XPO1: variants seen among roughly 807,000 people sequenced by gnomAD.
The protein encoded by XPO1 is exportin-1.
Under a neutral mutation model 133.3 loss-of-function variants are expected in XPO1, and 5 were observed. That is an observed-to-expected ratio of 0.04 (90% confidence interval 0.02 to 0.08). XPO1 has a LOEUF of 0.08. Ranked by LOEUF, XPO1 falls within the 10% of genes least tolerant of loss-of-function variation. The probability of loss-of-function intolerance (pLI) is 1.00; values close to 1 mark genes in which losing one functional copy is unlikely to be tolerated. For synonymous variants in XPO1, 419 were observed against 408.2 expected (o/e 1.03, Z -0.32); for missense variants, 506 against 1,267.5 (o/e 0.40, Z 9.12).
chr2:61,493,248 T>G (rs891080420), intron 12 of XPO1, 195 bp from the exon 13 acceptor site: 13 of 462,052 alleles, frequency 2.8e-5, no homozygotes, highest in African/African-American at 2.6e-4. Flanking sequence ...TGAGAGCAGC[T>G]TGAGCAACAC....
At chr2:61,502,432 A>C in intron 4 of XPO1, 122 bp from the exon 5 acceptor site, 1 of 938,856 alleles carries the variant, frequency 1.1e-6, no homozygotes, top group Non-Finnish European at 1.6e-6. Flanking sequence ...ATATACTCTA[A>C]TCCTGTCACC....
chr2:61,520,845 G>A (rs771519662), intron 4 of XPO1, among the ~76,000 whole-genome samples: 2 of 152,076 alleles, frequency 1.3e-5, no homozygotes, highest in African/African-American at 2.4e-5. Context: ...AGTAAAATGG[G>A]ACAGAAGTAA....
intron 4 of XPO1, among the ~76,000 whole-genome samples, chr2:61,513,498 TA>T (rs1186024066): frequency 6.6e-6 from 1 of 151,872 alleles, no homozygotes; most frequent in African/African-American, 2.4e-5. Flanking sequence ...CTAATTTTTG[TA>T]TCTTTAGTAG....
chr2:61,513,856 T>C (rs1452139288), intron 4 of XPO1, among the ~76,000 whole-genome samples: 1 of 152,052 alleles, frequency 6.6e-6, no homozygotes, highest in Non-Finnish European at 1.5e-5. Context: ...AAAGAGCCCT[T>C]AGATCTCAAT....
intron 2 of XPO1, among the ~76,000 whole-genome samples, chr2:61,529,720 T>A (rs1699071621): frequency 6.6e-6 from 1 of 152,116 alleles, no homozygotes; most frequent in Non-Finnish European, 1.5e-5. Flanking sequence ...TGATGCTTTA[T>A]TTTAATCATG....
Position 61,505,864 on chromosome 2 carries a change from C to G in XPO1, c.302-3554G>C, listed in dbSNP as rs546014317. 2.0e-5 allele frequency among the ~76,000 whole-genome samples: 3 copies of G among 152,246 alleles called. No individual in the cohort carries two copies. In the South Asian group the frequency reaches 6.2e-4, roughly 32 times the overall value. On this transcript the variant is annotated intron_variant, in intron 4 of 24. Transcript: ENST00000401558. The stretch of plus-strand genomic sequence containing the variant: ...CCACCGCGCCTGGCTGATTCTGACT[C>G]TTATACTGTATATATTTTACTTCAA...
chr2:61,507,243 CAAAAAAAAA>C lies in XPO1; in HGVS notation c.302-4942_302-4934del, dbSNP rs55737388. On this transcript the variant is annotated intron_variant, in intron 4 of 24. Transcript: ENST00000401558. ...TGGGTGACAGCGGGAGACTCCATCTCAAAAAAAAAAAAAAAAGAGTGAAGAAAACGATAC... is the reference window on the plus strand; with the variant it reads ...TGGGTGACAGCGGGAGACTCCATCTCAAAAAAAGAGTGAAGAAAACGATAC... Among the ~76,000 whole-genome samples the C allele has an allele frequency of 6.7e-4, 44 of 65,500 alleles. 1 individual carries two copies. The East Asian group carries it at 7.2e-3, about 11-fold the overall frequency. 43.0% of individuals were successfully genotyped at this position (65,500 alleles called of 152,430 possible).
chr2:61,502,210 T>C (rs373138694), intron 5 of XPO1, 39 bp downstream of exon 5: 5 of 1,599,678 alleles, frequency 3.1e-6, no homozygotes, highest in Non-Finnish European at 4.3e-6. Context: ...ATCTAAATGA[T>C]TTTATGCTCT....
intron 4 of XPO1, among the ~76,000 whole-genome samples, chr2:61,510,622 G>A (rs2104612866): frequency 6.6e-6 from 1 of 152,172 alleles, no homozygotes; most frequent in Admixed American, 6.6e-5. Flanking sequence ...AAATTGACAG[G>A]AGCATCACTC....
intron 6 of XPO1, among the ~76,000 whole-genome samples, chr2:61,501,427 TAAA>T (rs1573153069): frequency 6.6e-6 from 1 of 151,540 alleles, no homozygotes; most frequent in Non-Finnish European, 1.5e-5. Flanking sequence ...ATCAGAAAAT[TAAA>T]AAACAATCCG....
intron 17 of XPO1, among the ~76,000 whole-genome samples, 197 bp downstream of exon 17, chr2:61,490,445 C>T (rs1216847047): frequency 6.6e-5 from 10 of 151,944 alleles, no homozygotes; most frequent in African/African-American, 9.7e-5. Flanking sequence ...GTGATCCGCC[C>T]GCCTCGGCCT....
At chr2:61,515,936 A>G (rs35009492) in intron 4 of XPO1, among the ~76,000 whole-genome samples, 66 of 98,122 alleles carry the variant, frequency 6.7e-4, no homozygotes, top group African/African-American at 3.1e-3. Flanking sequence ...AAAAAAAAAA[A>G]CCACACACAC....
intron 3 of XPO1, chr2:61,526,061 G>A (rs902535222): frequency 2.2e-5 from 24 of 1,086,610 alleles, no homozygotes; most frequent in Non-Finnish European, 2.6e-5. Context: ...TGTCAGAGGT[G>A]CCTGGCCTGT....
At chr2:61,536,143 G>A (rs987310537) in intron 1 of XPO1, 2 of 152,180 alleles carry the variant, frequency 1.3e-5, no homozygotes, top group Non-Finnish European at 2.9e-5. Context: ...AGAATAGAAG[G>A]ATTTAAATAC....
intron 4 of XPO1, among the ~76,000 whole-genome samples, chr2:61,519,723 A>AC (rs1698596951): frequency 4.2e-4 from 60 of 144,394 alleles, no homozygotes; most frequent in African/African-American, 1.3e-3. Context: ...AAAAAAAAAA[A>AC]CACCACGTAA....
Position 61,485,939 on chromosome 2 carries a change from A to G in XPO1, c.2337T>C (p.Pro779=), listed in dbSNP as rs780375358. 3.1e-6 allele frequency: 5 copies of G among 1,608,890 alleles called. No individual in the cohort carries two copies. In the South Asian group the frequency reaches 5.6e-5, roughly 18 times the overall value. Residue 779 remains proline (P), a synonymous_variant, in exon 20 of 25, where the codon CCT becomes CCC. Transcript: ENST00000401558. ...AATCAATGAGAACTGCATCCAACAG[A>G]GGGGGAACAAAATTTTCAGCGACCT... ...PQMVAENFVP[P]LLDAVLIDYQ...
intron 4 of XPO1, among the ~76,000 whole-genome samples, chr2:61,515,942 CACACA>C (rs1558664324): frequency 3.3e-4 from 16 of 48,570 alleles, no homozygotes; most frequent in African/African-American, 4.4e-4. Flanking sequence ...AAAAACCACA[CACACA>C]CACACACACA....
intron 17 of XPO1, among the ~76,000 whole-genome samples, 163 bp downstream of exon 17, chr2:61,490,478 CG>C (rs1383353072): frequency 1.3e-5 from 2 of 152,154 alleles, no homozygotes; most frequent in Non-Finnish European, 2.9e-5. Flanking sequence ...GGATTACAGG[CG>C]TGAGCCACCA....
At chr2:61,493,601 T>TA (rs1697099473) in intron 12 of XPO1, 1 of 283,910 alleles carries the variant, frequency 3.5e-6, no homozygotes, top group Non-Finnish European at 6.6e-6. Context: ...CAACTTCTGT[T>TA]ACAGGAGTTT....
Sources: allele counts gnomAD v4.1 joint callset (sites outside exome capture counted in the v4.1 genomes callset), GRCh38; gene constraint gnomAD v4.1.1; transcripts MANE v1.5; gene names NCBI Gene and HGNC (gene_info 2026-07-23, HGNC 2026-07-21).